Variants in ELAC2 observed in about 807,000 individuals in gnomAD.
ELAC2 encodes the protein zinc phosphodiesterase ELAC protein 2.
Under a neutral mutation model 105.2 loss-of-function variants are expected in ELAC2, and 92 were observed. The observed-to-expected ratio is 0.87, with a 90% CI of 0.74 to 1.04. ELAC2 has a LOEUF of 1.04. Ranked by LOEUF, ELAC2 falls within the 50% of genes least tolerant of loss-of-function variation. The pLI is 0.00. For missense variants in ELAC2, 1,099 were observed against 1,071.7 expected, an observed-to-expected ratio of 1.03 and a Z score of -0.36; for synonymous variants, 468 against 409.1, an observed-to-expected ratio of 1.14 and a Z score of -1.74.
intron 5 of ELAC2, 122 bp downstream of exon 5, chr17:13,014,317 C>A: frequency 1.6e-6 from 1 of 618,788 alleles, no homozygotes; most frequent in Non-Finnish European, 2.9e-6. Flanking sequence ...AAAAAAATCT[C>A]GTGGTGATGA....
intron 8 of ELAC2, 152 bp from the exon 9 acceptor site, chr17:13,006,131 G>A: frequency 1.3e-6 from 1 of 780,030 alleles, no homozygotes; most frequent in Non-Finnish European, 2.2e-6. Context: ...AGTACTTTCG[G>A]AGGCTGAGGC....
chr17:13,013,101 C>T, intron 6 of ELAC2, 106 bp downstream of exon 6: 4 of 1,302,980 alleles, frequency 3.1e-6, no homozygotes, highest in Non-Finnish European at 4.4e-6. Flanking sequence ...ATGCTCAGAA[C>T]ACAAAACAGG....
intron 1 of ELAC2, 122 bp downstream of exon 1, chr17:13,017,581 C>G: frequency 2.6e-6 from 4 of 1,522,284 alleles, no homozygotes; most frequent in South Asian, 2.4e-5. Flanking sequence ...ACTCCACGAA[C>G]CCCCGCAACA....
rs2040943714 is a variant in ELAC2 at position 13,003,588 on chromosome 17, T to C, written c.984-14A>G. The C allele has an allele frequency of 6.2e-7, 1 of 1,611,432 alleles. No homozygotes were observed. Among genetic ancestry groups the C allele is most frequent in the East Asian group, 2.2e-5 (1 of 44,836 alleles). On this transcript the variant is annotated splice_polypyrimidine_tract_variant and intron_variant, in intron 11 of 23. Transcript: ENST00000338034. ...TTTCCTTGGTACCTGGGCAGAAGAG[T>C]GGGGCTTTACAAAGTGATGCAGACT...
intron 14 of ELAC2, chr17:13,000,751 A>T (rs1398779609): frequency 4.8e-6 from 1 of 209,160 alleles, no homozygotes; most frequent in East Asian, 1.2e-4. Flanking sequence ...GCAGCTCTGC[A>T]GTGAGGCCTG....
Position 12,996,583 on chromosome 17 carries a change from A to G in ELAC2, c.1623T>C (p.Ala541=). The change falls in exon 17 of 24, where the codon GCT becomes GCC. Residue 541 remains alanine, a synonymous_variant. Coordinates refer to ENST00000338034, the MANE Select transcript of ELAC2 (RefSeq NM_018127.7). ...QVDRVLGTLA[A]VFVSHLHADH... is the part of the protein sequence containing the mutation. ...CTGCGTGCAGGTGGGACACAAACACAGCAGCCAGGGTGCCCAGGACCCTGT... is the reference window on the plus strand; with the variant it reads ...CTGCGTGCAGGTGGGACACAAACACGGCAGCCAGGGTGCCCAGGACCCTGT... The G allele has an allele frequency of 6.2e-7, 1 of 1,614,114 alleles. No individual in the cohort carries two copies.
intron 14 of ELAC2, among the ~76,000 whole-genome samples, chr17:13,001,416 C>T (rs542493353): frequency 1.7e-4 from 26 of 152,168 alleles, no homozygotes; most frequent in African/African-American, 5.1e-4. Context: ...TGCTTGAACC[C>T]GGGAGGCGGA....
At chr17:13,006,433 C>G (rs1414964229) in intron 8 of ELAC2, 1 of 220,650 alleles carries the variant, frequency 4.5e-6, no homozygotes, top group African/African-American at 2.3e-5. Flanking sequence ...GCGTTTATTG[C>G]TTTCAGAAGG....
intron 5 of ELAC2, among the ~76,000 whole-genome samples, chr17:13,013,610 A>G (rs994913458): frequency 2.0e-5 from 3 of 152,178 alleles, no homozygotes; most frequent in African/African-American, 7.2e-5. Flanking sequence ...ATCATCGCAA[A>G]CCAGAAGAGC....
chr17:13,014,392 T>C (rs2041608147), intron 5 of ELAC2, 47 bp downstream of exon 5: 2 of 1,418,978 alleles, frequency 1.4e-6, no homozygotes, highest in South Asian at 1.1e-5. Flanking sequence ...GGTCAGGGCA[T>C]ATATAAGTTA....
chr17:12,992,123 T>C lies in ELAC2; in HGVS notation c.*695A>G, dbSNP rs1237017381. Among the ~76,000 whole-genome samples the C allele has an allele frequency of 4.4e-5, 6 of 137,150 alleles. No individual in the cohort carries two copies. Among genetic ancestry groups the C allele is most frequent in the Admixed American group, 2.9e-4 (4 of 13,960 alleles). 90.0% of individuals were successfully genotyped at this position (137,150 alleles called of 152,430 possible). A position where few individuals can be genotyped will look rare whatever the true frequency, so the allele number is the denominator to read the frequency against. On this transcript the variant is annotated 3_prime_UTR_variant, in exon 24 of 24. Transcript: ENST00000338034. ...ACCAGCCCAGCCAGGCTCTCACTGA[T>C]TGATTTGATTGATTGATTGATTGAT...
intron 1 of ELAC2, 146 bp downstream of exon 1, chr17:13,017,557 T>G: frequency 7.0e-7 from 1 of 1,420,584 alleles, no homozygotes; most frequent in Non-Finnish European, 9.5e-7. Flanking sequence ...ATCTCGGATT[T>G]CCCACCCACC....
At chr17:13,004,924 T>C (rs1333807616) in intron 11 of ELAC2, 65 bp downstream of exon 11, 1 of 1,239,814 alleles carries the variant, frequency 8.1e-7, no homozygotes, top group Non-Finnish European at 1.2e-6. Flanking sequence ...TGCCACAAGA[T>C]GCCCATGTCG....
At chr17:13,014,290 CAAAAAAA>C (rs959230890) in intron 5 of ELAC2, 142 bp downstream of exon 5, 29 of 376,572 alleles carry the variant, frequency 7.7e-5, no homozygotes, top group African/African-American at 4.2e-4. Context: ...AGACTCTATC[CAAAAAAA>C]AAAAAAAAAA....
chr17:12,995,756 TTTG>T lies in ELAC2; in HGVS notation c.1752_1754del (p.Lys585del). 1 of 1,613,044 alleles carries T rather than the reference TTTG, an allele frequency of 6.2e-7. No individual in the cohort carries two copies. Among genetic ancestry groups the T allele is most frequent in the Non-Finnish European group, 8.5e-7 (1 of 1,179,592 alleles). On this transcript the variant is annotated inframe_deletion, in exon 19 of 24. Transcript: ENST00000338034. ...GGTTGTGGTACTGCTGGAGCCAGGC[TTTG>T]AGCTGGTTGGGGGCAACCACCAGCA...
chr17:13,017,897 C>A lies in ELAC2; in HGVS notation c.51G>T (p.Ser17=). ...GTGCCTGCGATATGGTGCGTCCCTG[C>A]GACATGGTGCGTCCGGCCGCGGACC... is the stretch of plus-strand genomic sequence containing the variant. ...LLRSAAGRTM[S]QGRTISQAPA... The change falls in exon 1 of 24, where the codon TCG becomes TCT. Residue 17 remains serine, a synonymous_variant. Coordinates refer to ENST00000338034, the MANE Select transcript of ELAC2 (RefSeq NM_018127.7). The A allele has an allele frequency of 1.9e-6, 3 of 1,543,420 alleles. No homozygotes were observed. Among genetic ancestry groups the A allele is most frequent in the Non-Finnish European group, 1.7e-6 (2 of 1,147,224 alleles).
chr17:12,994,149 T>G (rs2040346309), intron 22 of ELAC2, among the ~76,000 whole-genome samples: 1 of 152,184 alleles, frequency 6.6e-6, no homozygotes, highest in South Asian at 2.1e-4. Flanking sequence ...AGCCCCCGCC[T>G]TCCCCTGGCA....
rs373231098 is a variant in ELAC2 at position 13,005,118 on chromosome 17, G to A, written c.871-17C>T. ...AGCCAAAATCTGCAAAACCAAATAA[G>A]CCCGCCCACTGGGGGTCACAGCTCA... is the stretch of plus-strand genomic sequence containing the variant. On this transcript the variant is annotated splice_polypyrimidine_tract_variant and intron_variant, in intron 10 of 23. Coordinates refer to ENST00000338034, the MANE Select transcript of ELAC2 (RefSeq NM_018127.7). 6 of 1,583,176 alleles carry A rather than the reference G, an allele frequency of 3.8e-6. No homozygotes were observed. In the African/African-American group the frequency reaches 8.1e-5, roughly 21 times the overall value.
chr17:13,011,692 G>A lies in ELAC2; in HGVS notation c.650C>T (p.Ser217Leu), dbSNP rs4792311. ...LSPERSSDSE[S>L]NENEPHLPHG... ...TGGAAGGTGTGGCTCATTTTCATTC[G>A]ACTCGGAGTCTGAAGATCGCTCTGG... The change falls in exon 7 of 24, where the codon TCG becomes TTG. Residue 217 changes from serine to leucine, a missense_variant. Ser to Leu is a moderately radical substitution (Grantham distance 145, BLOSUM62 -2). Coordinates refer to ENST00000338034, the MANE Select transcript of ELAC2 (RefSeq NM_018127.7). 466,481 of 1,613,650 alleles carry A rather than the reference G, an allele frequency of 0.29. 69,746 individuals are homozygous for A. The highest frequency in any genetic ancestry group is 0.34 in the Middle Eastern group (2,077 of 6,062).
Sources: gnomAD v4.1 joint callset for allele counts (sites outside exome capture counted in the v4.1 genomes callset) on GRCh38, gnomAD v4.1.1 for gene constraint, MANE v1.5 for transcripts, NCBI Gene and HGNC (gene_info 2026-07-23, HGNC 2026-07-21) for gene names.